Variants in SOS2 observed in about 807,000 individuals in gnomAD.
SOS2 encodes son of sevenless homolog 2.
A neutral mutation model predicts 148.2 loss-of-function variants in SOS2; 65 were observed. That is an observed-to-expected ratio of 0.44 (90% CI 0.36 to 0.54). The LOEUF (loss-of-function observed/expected upper bound fraction) is 0.54. Ranked by LOEUF, SOS2 falls within the 20% of genes least tolerant of loss-of-function variation. The pLI is 0.00. For missense variants in SOS2, 1,341 were observed against 1,590.2 expected, an observed-to-expected ratio of 0.84 and a Z score of 2.67; for synonymous variants, 539 against 537.1, an observed-to-expected ratio of 1.00 and a Z score of -0.05.
At chr14:50,145,942 C>G (rs1884452303) in intron 14 of SOS2, among the ~76,000 whole-genome samples, 1 of 151,878 alleles carries the variant, frequency 6.6e-6, no homozygotes, top group Non-Finnish European at 1.5e-5. Context: ...CGAGACCAGC[C>G]TGACCATCAT....
At chr14:50,178,261 G>A (rs561346585) in intron 7 of SOS2, among the ~76,000 whole-genome samples, 1 of 152,168 alleles carries the variant, frequency 6.6e-6, no homozygotes, top group African/African-American at 2.4e-5. Context: ...AGAGTTCTCA[G>A]GAGATCTAGT....
intron 21 of SOS2, among the ~76,000 whole-genome samples, chr14:50,120,840 A>G (rs1360451772): frequency 6.6e-6 from 1 of 150,782 alleles, no homozygotes; most frequent in African/African-American, 2.4e-5. Flanking sequence ...CCCGGGTTCA[A>G]GCAATTCTCC....
rs559272877 is a variant in SOS2, at chr14:50,180,552, A to C, written c.969+20T>G. On this transcript the variant is annotated intron_variant, in intron 7 of 22. Transcript: ENST00000216373. ...CTTTATTAAAAAAAAAAAAAAAAAAAACCTTCAATTTAAGTTTACCTGAAA... is the reference window on the plus strand; with the variant it reads ...CTTTATTAAAAAAAAAAAAAAAAAACACCTTCAATTTAAGTTTACCTGAAA... 72 of 1,085,164 alleles carry C rather than the reference A, an allele frequency of 6.6e-5. No individual in the cohort carries two copies. The African/African-American group carries it at 1.1e-3, about 17-fold the overall frequency. 67.2% of individuals were successfully genotyped at this position (1,085,164 alleles called of 1,614,324 possible).
rs1883459005 is a variant in SOS2, at chr14:50,120,261, G to C, written c.3489+14C>G. 6 of 1,229,236 alleles carry C rather than the reference G, an allele frequency of 4.9e-6. No individual in the cohort carries two copies. The South Asian group carries it at 7.4e-5, about 15-fold the overall frequency. The allele number at this position is 1,229,236 out of a possible 1,614,324, so 76.1% of individuals were successfully genotyped here. A position where few individuals can be genotyped will look rare whatever the true frequency, so the allele number is the denominator to read the frequency against. ...ACAACTTTGAATAAGTTGGAGTAAA[G>C]TCCTGTTGATTACCTTGGAATTTGA... On this transcript the variant is annotated intron_variant, in intron 22 of 22. Coordinates refer to ENST00000216373, the MANE Select transcript of SOS2 (RefSeq NM_006939.4).
rs747615512 is a variant in SOS2 at position 50,231,179 on chromosome 14, C to T, written c.87+18G>A. On this transcript the variant is annotated intron_variant, in intron 1 of 22. Coordinates refer to ENST00000216373, the MANE Select transcript of SOS2 (RefSeq NM_006939.4). ...GGGCCACGGGCCACCCGCCGGCCGC[C>T]CCGCCCCTAGCACTGACCTTCCGCA... 7.2e-6 allele frequency: 10 copies of T among 1,391,270 alleles called. No homozygotes were observed. Among genetic ancestry groups the T allele is most frequent in the Non-Finnish European group, 9.6e-6 (10 of 1,047,076 alleles). 86.2% of individuals were successfully genotyped at this position (1,391,270 alleles called of 1,614,324 possible).
At chr14:50,181,339 T>C (rs1885728804) in intron 6 of SOS2, among the ~76,000 whole-genome samples, 1 of 151,822 alleles carries the variant, frequency 6.6e-6, no homozygotes, top group Admixed American at 6.6e-5. Context: ...TCCCAGCTAC[T>C]CAGGAGGCTG....
chr14:50,128,165 A>AGG (rs1356873015), intron 21 of SOS2, among the ~76,000 whole-genome samples: 2 of 152,138 alleles, frequency 1.3e-5, no homozygotes, highest in African/African-American at 4.8e-5. Flanking sequence ...CACAGGAGGG[A>AGG]GGCAAAGGGA....
At chr14:50,184,099 T>C (rs1338748321) in intron 5 of SOS2, among the ~76,000 whole-genome samples, 1 of 152,194 alleles carries the variant, frequency 6.6e-6, no homozygotes, top group African/African-American at 2.4e-5. Context: ...AAAAATATAG[T>C]ATAATCTTAC....
intron 14 of SOS2, among the ~76,000 whole-genome samples, chr14:50,147,045 A>AC (rs112712510): frequency 3.3e-5 from 5 of 151,242 alleles, no homozygotes; most frequent in Non-Finnish European, 7.4e-5. Flanking sequence ...AATAAAACAA[A>AC]AAAAAAAACA....
chr14:50,201,169 T>G (rs190817489), intron 2 of SOS2, 85 bp from the exon 3 acceptor site: 15 of 1,202,692 alleles, frequency 1.2e-5, no homozygotes, highest in Admixed American at 9.6e-5. Context: ...TTGATCTCTA[T>G]TCTTAATGCT....
intron 13 of SOS2, among the ~76,000 whole-genome samples, chr14:50,152,177 C>T (rs1280346566): frequency 1.3e-5 from 2 of 152,114 alleles, no homozygotes; most frequent in Non-Finnish European, 2.9e-5. Flanking sequence ...ATAAGTTACA[C>T]TTGTTATAGT....
intron 19 of SOS2, among the ~76,000 whole-genome samples, chr14:50,131,955 A>G (rs948565759): frequency 5.9e-5 from 9 of 152,206 alleles, no homozygotes; most frequent in African/African-American, 1.7e-4. Flanking sequence ...TTCAGCTTAT[A>G]CAATTCTGAC....
intron 1 of SOS2, among the ~76,000 whole-genome samples, chr14:50,212,748 G>A (rs1886918388): frequency 6.6e-6 from 1 of 152,192 alleles, no homozygotes; most frequent in South Asian, 2.1e-4. Context: ...TAGTGCCCAT[G>A]TCACTGAACA....
intron 1 of SOS2, among the ~76,000 whole-genome samples, chr14:50,212,815 C>A (rs1008357881): frequency 2.6e-5 from 4 of 152,048 alleles, no homozygotes; most frequent in African/African-American, 9.7e-5. Flanking sequence ...ACTGGGAGGA[C>A]AGGGAAGTGA....
At chr14:50,192,013 A>G (rs1374612285) in intron 4 of SOS2, among the ~76,000 whole-genome samples, 1 of 151,900 alleles carries the variant, frequency 6.6e-6, no homozygotes, top group Non-Finnish European at 1.5e-5. Context: ...ACAGCCAGGC[A>G]TGGTGGTTCA....
chr14:50,176,977 T>G (rs1469535581), intron 7 of SOS2, among the ~76,000 whole-genome samples: 1 of 152,206 alleles, frequency 6.6e-6, no homozygotes. Flanking sequence ...GCCACTGCAC[T>G]CCAGCCTGGG....
At chr14:50,130,207 A>G (rs1056434546) in intron 20 of SOS2, among the ~76,000 whole-genome samples, 7 of 152,192 alleles carry the variant, frequency 4.6e-5, no homozygotes, top group Admixed American at 3.3e-4. Context: ...CCTCTATCAC[A>G]GAACTTATCT....
At chr14:50,182,421 T>G (rs1053637443) in intron 6 of SOS2, 42 bp downstream of exon 6, 16 of 1,582,336 alleles carry the variant, frequency 1.0e-5, no homozygotes, top group Non-Finnish European at 1.3e-5. Flanking sequence ...TACTACAGCA[T>G]TTAGGGCTTT....
intron 21 of SOS2, among the ~76,000 whole-genome samples, chr14:50,121,539 GA>G (rs1311440132): frequency 1.0e-3 from 117 of 114,820 alleles, no homozygotes; most frequent in African/African-American, 3.6e-3. Context: ...GGAGGGGGGG[GA>G]GTCCTGTTGA....
Sources: allele counts gnomAD v4.1 joint callset (sites outside exome capture counted in the v4.1 genomes callset), GRCh38; gene constraint gnomAD v4.1.1; transcripts MANE v1.5; gene names NCBI Gene and HGNC (gene_info 2026-07-23, HGNC 2026-07-21).